The following KSR2 variants were observed in gnomAD, a reference collection of about 807,000 sequenced individuals.
The protein encoded by KSR2 is kinase suppressor of ras 2.
KSR2 carries 25 observed loss-of-function variants against 107.8 expected under a neutral mutation model. That is an observed-to-expected ratio of 0.23 (90% confidence interval 0.17 to 0.32). The LOEUF is 0.32. Ranked by LOEUF, KSR2 falls within the 10% of genes least tolerant of loss-of-function variation. The probability of loss-of-function intolerance (pLI) is 1.00; values close to 1 mark genes in which losing one functional copy is unlikely to be tolerated. For missense variants in KSR2, 887 were observed against 1,268.9 expected, an observed-to-expected ratio of 0.70 and a Z score of 4.57; for synonymous variants, 480 against 507.0, an observed-to-expected ratio of 0.95 and a Z score of 0.71.
At chr12:117,783,207 A>G (rs1566012381) in intron 3 of KSR2, among the ~76,000 whole-genome samples, 1 of 152,152 alleles carries the variant, frequency 6.6e-6, no homozygotes, top group African/African-American at 2.4e-5. Context: ...ACGGCACTAC[A>G]AGGTAGTTAT....
intron 5 of KSR2, among the ~76,000 whole-genome samples, chr12:117,613,658 A>T (rs986703019): frequency 1.3e-5 from 2 of 152,214 alleles, no homozygotes; most frequent in Non-Finnish European, 2.9e-5. Context: ...TGTAAAAAGC[A>T]GTTGGGCAGA....
At chr12:117,682,645 C>T (rs1211663790) in intron 4 of KSR2, among the ~76,000 whole-genome samples, 3 of 152,082 alleles carry the variant, frequency 2.0e-5, no homozygotes, top group Non-Finnish European at 2.9e-5. Flanking sequence ...TCTCAAACTC[C>T]CGACCTCGGC....
intron 9 of KSR2, among the ~76,000 whole-genome samples, chr12:117,545,232 A>G (rs1164608061): frequency 2.0e-5 from 3 of 152,118 alleles, no homozygotes; most frequent in Non-Finnish European, 4.4e-5. Context: ...GAATTTTCGC[A>G]TCTATATTAA....
At chr12:117,834,843 T>C (rs1435414111) in intron 3 of KSR2, among the ~76,000 whole-genome samples, 5 of 152,040 alleles carry the variant, frequency 3.3e-5, no homozygotes, top group Non-Finnish European at 7.4e-5. Context: ...AAGAAACAAA[T>C]GCAAAGGTGG....
At chr12:117,696,246 G>A (rs190927974) in intron 4 of KSR2, among the ~76,000 whole-genome samples, 46 of 151,270 alleles carry the variant, frequency 3.0e-4, no homozygotes, top group African/African-American at 8.5e-4. Flanking sequence ...TTTCTCTGAG[G>A]TCCCACTCCA....
intron 14 of KSR2, among the ~76,000 whole-genome samples, chr12:117,524,625 C>T (rs750273171): frequency 2.0e-5 from 3 of 152,130 alleles, no homozygotes; most frequent in Non-Finnish European, 4.4e-5. Context: ...TATGATCATA[C>T]CACTGCATTC....
chr12:117,878,006 T>C (rs542960193), intron 1 of KSR2, among the ~76,000 whole-genome samples: 10 of 152,236 alleles, frequency 6.6e-5, no homozygotes, highest in Admixed American at 2.6e-4. Flanking sequence ...ACAGTTCCCA[T>C]TGGGTGATCT....
intron 1 of KSR2, among the ~76,000 whole-genome samples, chr12:117,932,202 G>A (rs544695280): frequency 2.6e-5 from 4 of 152,190 alleles, no homozygotes; most frequent in East Asian, 3.9e-4. Context: ...TAGGAGAATC[G>A]CTTGAACCCA....
chr12:117,653,106 G>T (rs541596865), intron 5 of KSR2, among the ~76,000 whole-genome samples: 10 of 152,340 alleles, frequency 6.6e-5, no homozygotes, highest in African/African-American at 2.4e-4. Flanking sequence ...AAAGACACAG[G>T]GGAGGTGATT....
intron 1 of KSR2, among the ~76,000 whole-genome samples, chr12:117,883,954 C>T (rs1056248530): frequency 2.6e-5 from 4 of 151,414 alleles, no homozygotes; most frequent in Non-Finnish European, 4.4e-5. Context: ...ACTACAGTCA[C>T]GGAAAGCAGG....
chr12:117,667,411 G>A, intron 5 of KSR2, 63 bp downstream of exon 5: 2 of 1,472,960 alleles, frequency 1.4e-6, no homozygotes, highest in Non-Finnish European at 1.9e-6. Flanking sequence ...GAGGACAGCA[G>A]GTGCTGGGGA....
chr12:117,832,307 A>AAACAG (rs1184418410), intron 3 of KSR2, among the ~76,000 whole-genome samples: 33 of 152,132 alleles, frequency 2.2e-4, no homozygotes, highest in Middle Eastern at 3.4e-3. Context: ...AAACAAAACA[A>AAACAG]ATCTTGTACC....
intron 5 of KSR2, among the ~76,000 whole-genome samples, chr12:117,641,134 G>A (rs12320019): frequency 0.15 from 23,533 of 152,148 alleles, 1,906 homozygotes; most frequent in Middle Eastern, 0.22. Flanking sequence ...ATCTCACTCC[G>A]TTGCCCAGGC....
chr12:117,587,308 C>G (rs1190666320), intron 5 of KSR2, among the ~76,000 whole-genome samples: 2 of 151,912 alleles, frequency 1.3e-5, no homozygotes, highest in Non-Finnish European at 2.9e-5. Context: ...ACCATAGGGC[C>G]CTTATAAGAT....
intron 1 of KSR2, among the ~76,000 whole-genome samples, chr12:117,931,764 T>C (rs1036335278): frequency 1.3e-5 from 2 of 152,188 alleles, no homozygotes; most frequent in Non-Finnish European, 2.9e-5. Context: ...CCCAGGTTAT[T>C]CTAGACCAGC....
At chr12:117,783,939 C>T (rs959494665) in intron 3 of KSR2, among the ~76,000 whole-genome samples, 2 of 152,096 alleles carry the variant, frequency 1.3e-5, no homozygotes, top group South Asian at 4.2e-4. Flanking sequence ...GGCACCAAAG[C>T]CCCCAAAAGA....
intron 3 of KSR2, among the ~76,000 whole-genome samples, chr12:117,823,117 CAA>C (rs547749914): frequency 4.9e-5 from 6 of 122,682 alleles, no homozygotes; most frequent in Admixed American, 8.6e-5. Context: ...TCAAGGAACT[CAA>C]AAAAAAAAAA....
intron 12 of KSR2, 89 bp from the exon 13 acceptor site, chr12:117,527,208 G>A (rs753952161): frequency 1.7e-5 from 16 of 940,478 alleles, no homozygotes; most frequent in East Asian, 7.3e-5. Context: ...TCCCCAGATC[G>A]GAGGTCTTTA....
intron 5 of KSR2, among the ~76,000 whole-genome samples, chr12:117,605,003 T>C (rs552272533): frequency 6.6e-6 from 1 of 152,338 alleles, no homozygotes; most frequent in South Asian, 2.1e-4. Flanking sequence ...GAAAAATGAA[T>C]TACCTGAGCC....
Sources: gnomAD v4.1 joint callset for allele counts (sites outside exome capture counted in the v4.1 genomes callset) on GRCh38, gnomAD v4.1.1 for gene constraint, MANE v1.5 for transcripts, NCBI Gene and HGNC (gene_info 2026-07-23, HGNC 2026-07-21) for gene names.